The following CIT variants were observed in gnomAD, a reference collection of about 807,000 sequenced individuals.
The protein encoded by CIT is citron rho-interacting serine/threonine kinase.
A neutral mutation model predicts 272.7 loss-of-function variants in CIT; 79 were observed. The observed-to-expected ratio is 0.29, with a 90% CI of 0.24 to 0.35. CIT has a LOEUF of 0.35. CIT is among the 10% of genes least tolerant of loss of function. The probability of loss-of-function intolerance (pLI) is 1.00; values close to 1 mark genes in which losing one functional copy is unlikely to be tolerated. For missense variants in CIT, 1,909 were observed against 2,618.3 expected (o/e 0.73, Z 5.91); for synonymous variants, 948 against 995.6 (o/e 0.95, Z 0.90).
chr12:119,724,097 C>T (rs1167975451), intron 28 of CIT, among the ~76,000 whole-genome samples: 16 of 151,894 alleles, frequency 1.1e-4, no homozygotes, highest in Non-Finnish European at 2.4e-4. Flanking sequence ...TTGAGGGCAA[C>T]ATAGGGAGAC....
chr12:119,773,682 C>T (rs570810575), intron 16 of CIT, among the ~76,000 whole-genome samples: 1 of 152,196 alleles, frequency 6.6e-6, no homozygotes, highest in Non-Finnish European at 1.5e-5. Flanking sequence ...TTCGCCTCAG[C>T]CTCCCAAAGT....
intron 10 of CIT, among the ~76,000 whole-genome samples, chr12:119,791,831 T>C (rs187867156): frequency 6.6e-5 from 10 of 152,322 alleles, no homozygotes; most frequent in Admixed American, 6.5e-4. Flanking sequence ...AGAGTATTAA[T>C]AGGGATAATG....
At chr12:119,813,990 T>C (rs1293422532) in intron 9 of CIT, among the ~76,000 whole-genome samples, 1 of 152,180 alleles carries the variant, frequency 6.6e-6, no homozygotes, top group African/African-American at 2.4e-5. Flanking sequence ...ACTGGGAGAC[T>C]GAGAGTCCCA....
At position 119,804,355 on chromosome 12, in the gene CIT, G is replaced by C. The variant is rs1470297362; in HGVS notation, c.1112-966C>G. On this transcript the variant is annotated intron_variant, in intron 9 of 47. Coordinates refer to ENST00000392521, the MANE Select transcript of CIT (RefSeq NM_001206999.2). The surrounding 1 kb of genome is among the most constrained non-coding windows in gnomAD (Gnocchi z 5.3). ...TTGCAAGCTGAGGCGTCCGTGGCGG[G>C]CCAGCCAGGCGAGTTAGAGCCGAGC... 1.3e-5 allele frequency: 13 copies of C among 985,494 alleles called. No individual in the cohort carries two copies. The highest frequency in any genetic ancestry group is 1.7e-5 in the African/African-American group (1 of 57,266). The allele number at this position is 985,494 out of a possible 1,614,324, so 61.0% of individuals were successfully genotyped here.
At position 119,712,157 on chromosome 12, in the gene CIT, A is replaced by T. The variant is rs1435899374; in HGVS notation, c.4854+21T>A. The stretch of plus-strand genomic sequence containing the variant: ...AGCCCCCTTTACAAAGACAACCTCC[A>T]GGGCCCGCTTTCATACTCACAGCAT... On this transcript the variant is annotated intron_variant, in intron 37 of 47. Transcript: ENST00000392521. This position sits in a 1 kb window ranked among gnomAD's most constrained non-coding sequence, Gnocchi z 5.2. The T allele has an allele frequency of 1.9e-6, 3 of 1,560,142 alleles. No individual in the cohort carries two copies. The highest frequency in any genetic ancestry group is 2.6e-6 in the Non-Finnish European group (3 of 1,151,914).
At chr12:119,704,079 C>T (rs752238823) in intron 41 of CIT, among the ~76,000 whole-genome samples, 1 of 152,020 alleles carries the variant, frequency 6.6e-6, no homozygotes, top group South Asian at 2.1e-4. Context: ...TATCAGTCAA[C>T]TTTCTGTTCT....
chr12:119,704,562 G>A (rs1364574767), intron 40 of CIT, 107 bp from the exon 41 acceptor site: 20 of 961,108 alleles, frequency 2.1e-5, no homozygotes, highest in Non-Finnish European at 2.7e-5. Context: ...ATTCAGACCA[G>A]ATCATTCTGT....
intron 22 of CIT, among the ~76,000 whole-genome samples, chr12:119,755,408 A>G (rs1429421868): frequency 6.6e-6 from 1 of 152,236 alleles, no homozygotes; most frequent in Non-Finnish European, 1.5e-5. Context: ...ATGCATAAAC[A>G]TGAGTACTAC....
At chr12:119,839,284 G>A (rs377423708) in intron 5 of CIT, among the ~76,000 whole-genome samples, 4 of 152,172 alleles carry the variant, frequency 2.6e-5, no homozygotes, top group Admixed American at 6.5e-5. Context: ...TTGCATATGC[G>A]GGGATGGGGT....
intron 9 of CIT, among the ~76,000 whole-genome samples, chr12:119,815,652 G>A (rs1967110738): frequency 6.6e-6 from 1 of 151,864 alleles, no homozygotes; most frequent in South Asian, 2.1e-4. Flanking sequence ...GTTGCAACGA[G>A]CCGAGATCAC....
At chr12:119,774,323 A>G (rs1470495569) in intron 16 of CIT, among the ~76,000 whole-genome samples, 1 of 152,026 alleles carries the variant, frequency 6.6e-6, no homozygotes, top group Non-Finnish European at 1.5e-5. Context: ...AAGAAGAAGG[A>G]GGAGGAGGAG....
intron 9 of CIT, among the ~76,000 whole-genome samples, chr12:119,817,851 G>A (rs546299836): frequency 6.6e-6 from 1 of 151,740 alleles, no homozygotes; most frequent in East Asian, 1.9e-4. Context: ...GAGGGAGGAT[G>A]ATCACTTGAG....
In CIT at chr12:119,698,086, C is replaced by G. The variant is rs187513618; in HGVS notation, c.5624-32G>C. 1.7e-4 allele frequency: 269 copies of G among 1,589,558 alleles called. 3 individuals carry two copies. The African/African-American group carries it at 2.4e-3, about 14-fold the overall frequency. ...GATCACCATGCAGGCACAGTGTGGG[C>G]CAAAGAATGGTGAAAAGAGGGAAAA... On this transcript the variant is annotated intron_variant, in intron 44 of 47. Transcript: ENST00000392521.
intron 22 of CIT, among the ~76,000 whole-genome samples, chr12:119,753,118 C>T (rs1960472148): frequency 1.4e-5 from 2 of 147,448 alleles, no homozygotes; most frequent in African/African-American, 5.4e-5. Flanking sequence ...ATTGACCTGA[C>T]AAACATGGAC....
chr12:119,711,196 A>G, intron 37 of CIT: 1 of 916,736 alleles, frequency 1.1e-6, no homozygotes, highest in South Asian at 1.3e-5. Flanking sequence ...CCTTTTCAGG[A>G]GGCTTGTGGT....
At chr12:119,801,488 T>C (rs374272116) in intron 10 of CIT, among the ~76,000 whole-genome samples, 2 of 152,120 alleles carry the variant, frequency 1.3e-5, no homozygotes, top group East Asian at 3.9e-4. Context: ...TCCCCTGAAA[T>C]CTAACTCCCT....
At chr12:119,716,416 T>TAAAAAAAAAAAAAAAAAAAA (rs1481968570) in intron 32 of CIT, among the ~76,000 whole-genome samples, 2 of 70,554 alleles carry the variant, frequency 2.8e-5, no homozygotes, top group African/African-American at 1.1e-4. Flanking sequence ...AAAAAAAAAG[T>TAAAAAAAAAAAAAAAAAAAA]AAAGCTCTTT....
At position 119,784,902 on chromosome 12, in the gene CIT, C is replaced by T. The variant is rs1343311686; in HGVS notation, c.1401+58G>A. The T allele has an allele frequency of 1.1e-4, 174 of 1,598,050 alleles. No homozygotes were observed. The highest frequency in any genetic ancestry group is 1.4e-4 in the Non-Finnish European group (162 of 1,171,982). On this transcript the variant is annotated intron_variant, in intron 11 of 47. Coordinates refer to ENST00000392521, the MANE Select transcript of CIT (RefSeq NM_001206999.2). The surrounding 1 kb of genome is among the most constrained non-coding windows in gnomAD (Gnocchi z 4.7). ...CAGCGGCCCCGGGCGGATCCCTTGG[C>T]ATATACGGACGGGAGGATCCTGGAG... is the stretch of plus-strand genomic sequence containing the variant.
chr12:119,803,229 T>C lies in CIT; in HGVS notation c.1272A>G (p.Ala424=), dbSNP rs1966357624. The change falls in exon 10 of 48, where the codon GCA becomes GCG. Residue 424 remains alanine (A), a synonymous_variant. Coordinates refer to ENST00000392521, the MANE Select transcript of CIT (RefSeq NM_001206999.2). The part of the protein sequence containing the change: ...LPFVGFSYSK[A]LGILGRSESV... ...ACTCAGATCTACCAAGAATCCCCAG[T>C]GCCTTGCTGTACGAAAACCCCACAA... is the stretch of plus-strand genomic sequence containing the variant. The C allele has an allele frequency of 6.4e-7, 1 of 1,572,318 alleles. No homozygotes were observed. Among genetic ancestry groups the C allele is most frequent in the Non-Finnish European group, 8.6e-7 (1 of 1,161,560 alleles).
Sources: allele counts gnomAD v4.1 joint callset (sites outside exome capture counted in the v4.1 genomes callset), GRCh38; gene constraint gnomAD v4.1.1; non-coding constraint Gnocchi (gnomAD v3.1); transcripts MANE v1.5; gene names NCBI Gene and HGNC (gene_info 2026-07-23, HGNC 2026-07-21).